Variants in FRMD4A observed in about 807,000 individuals in gnomAD.
The protein encoded by FRMD4A is FERM domain containing 4A.
Under a neutral mutation model 129.1 loss-of-function variants are expected in FRMD4A, and 29 were observed. The observed-to-expected ratio is 0.22, with a 90% CI of 0.17 to 0.31. The LOEUF is 0.31. FRMD4A is among the 10% of genes least tolerant of loss of function. The probability of loss-of-function intolerance (pLI) is 1.00; values close to 1 mark genes in which losing one functional copy is unlikely to be tolerated. For missense variants in FRMD4A, 1,272 were observed against 1,375.8 expected (o/e 0.92, Z 1.19); for synonymous variants, 634 against 571.6 (o/e 1.11, Z -1.56).
chr10:13,819,773 G>A (rs2093602369), intron 3 of FRMD4A, among the ~76,000 whole-genome samples: 1 of 150,648 alleles, frequency 6.6e-6, no homozygotes, highest in Non-Finnish European at 1.5e-5. Flanking sequence ...TCAGGCTGGA[G>A]TGCAGTGGCA....
At position 13,742,327 on chromosome 10, in the gene FRMD4A, C is replaced by T. The variant is rs1198928972; in HGVS notation, c.549-1750G>A. Among the ~76,000 whole-genome samples the T allele has an allele frequency of 3.3e-5, 5 of 152,186 alleles. No individual in the cohort carries two copies. In the East Asian group the frequency reaches 9.6e-4, roughly 29 times the overall value. ...GGAATCCCAGGGAAGCAGGTGCAGGCAGAAAGCCCCAACCCCACCTGCTGA... is the reference window on the plus strand; with the variant it reads ...GGAATCCCAGGGAAGCAGGTGCAGGTAGAAAGCCCCAACCCCACCTGCTGA... On this transcript the variant is annotated intron_variant, in intron 9 of 24. Coordinates refer to ENST00000357447, the MANE Select transcript of FRMD4A (RefSeq NM_018027.5).
chr10:14,310,329 T>C (rs532826256), intron 2 of FRMD4A, among the ~76,000 whole-genome samples: 3 of 152,300 alleles, frequency 2.0e-5, no homozygotes, highest in Admixed American at 6.5e-5. Flanking sequence ...CAACTAATGA[T>C]ACAGGAGCTA....
chr10:14,222,265 A>T (rs886068005), intron 2 of FRMD4A, among the ~76,000 whole-genome samples: 14 of 152,242 alleles, frequency 9.2e-5, no homozygotes, highest in Admixed American at 2.6e-4. Flanking sequence ...GGGCCGAATA[A>T]TTATCAACAA....
rs1428410454 is a variant in FRMD4A, at chr10:14,017,143, T to A, written c.46-158231A>T. Among the ~76,000 whole-genome samples, 3 of 152,222 alleles carry A rather than the reference T, an allele frequency of 2.0e-5. No individual in the cohort carries two copies. The East Asian group carries it at 5.8e-4, about 29-fold the overall frequency. ...TCTACATGGTAGTAATGGCTTATTG[T>A]GTGTGCTATTAGGAGTGATGTCATG... On this transcript the variant is annotated intron_variant, in intron 2 of 24. Transcript: ENST00000357447.
chr10:14,073,427 G>T (rs78773508), intron 2 of FRMD4A, among the ~76,000 whole-genome samples: 2 of 152,126 alleles, frequency 1.3e-5, no homozygotes, highest in South Asian at 2.1e-4. Flanking sequence ...GAGTTCCTAG[G>T]TGATTGACTT....
At chr10:14,257,489 A>T (rs1223933960) in intron 2 of FRMD4A, among the ~76,000 whole-genome samples, 5 of 152,202 alleles carry the variant, frequency 3.3e-5, no homozygotes, top group Non-Finnish European at 7.3e-5. Context: ...GTGTGCAAGT[A>T]ATTTTTGTAT....
At chr10:13,990,944 A>G (rs1024270869) in intron 2 of FRMD4A, among the ~76,000 whole-genome samples, 1 of 152,242 alleles carries the variant, frequency 6.6e-6, no homozygotes, top group Middle Eastern at 3.4e-3. Context: ...CAGCCAAGGT[A>G]TGGAGTGGGG....
chr10:14,278,805 G>A (rs1845424968), intron 2 of FRMD4A, among the ~76,000 whole-genome samples: 1 of 152,186 alleles, frequency 6.6e-6, no homozygotes, highest in Admixed American at 6.5e-5. Flanking sequence ...TCTGACAAAT[G>A]TTACAAGGAG....
At chr10:14,009,750 T>C (rs191230157) in intron 2 of FRMD4A, among the ~76,000 whole-genome samples, 5 of 152,248 alleles carry the variant, frequency 3.3e-5, no homozygotes, top group East Asian at 3.9e-4. Flanking sequence ...TATACAACAA[T>C]TGGGCTTTGT....
At chr10:13,832,855 G>C (rs2093812262) in intron 3 of FRMD4A, among the ~76,000 whole-genome samples, 1 of 152,108 alleles carries the variant, frequency 6.6e-6, no homozygotes, top group African/African-American at 2.4e-5. Context: ...GCCCAGACTG[G>C]TCTTGAACTC....
chr10:14,009,017 T>C (rs910705667), intron 2 of FRMD4A, among the ~76,000 whole-genome samples: 2 of 152,238 alleles, frequency 1.3e-5, no homozygotes, highest in African/African-American at 4.8e-5. Context: ...TATAGAACAT[T>C]TATTTTTACG....
At chr10:14,105,593 T>C (rs1283224989) in intron 2 of FRMD4A, among the ~76,000 whole-genome samples, 1 of 152,222 alleles carries the variant, frequency 6.6e-6, no homozygotes, top group Non-Finnish European at 1.5e-5. Context: ...ATGCCATTCT[T>C]ATACAATAAT....
intron 2 of FRMD4A, among the ~76,000 whole-genome samples, chr10:14,142,485 G>A (rs1839885820): frequency 6.6e-6 from 1 of 152,208 alleles, no homozygotes; most frequent in Non-Finnish European, 1.5e-5. Context: ...AGAAACAGAA[G>A]CACTGAGCTA....
At chr10:14,005,790 A>T (rs1187448936) in intron 2 of FRMD4A, among the ~76,000 whole-genome samples, 1 of 152,192 alleles carries the variant, frequency 6.6e-6, no homozygotes, top group Non-Finnish European at 1.5e-5. Flanking sequence ...AAAGAAGATT[A>T]AAACTCTCCA....
At chr10:13,941,191 T>C (rs781686765) in intron 2 of FRMD4A, among the ~76,000 whole-genome samples, 3 of 152,172 alleles carry the variant, frequency 2.0e-5, no homozygotes, top group Non-Finnish European at 4.4e-5. Context: ...GATAATGGAA[T>C]CATGGAGGCG....
rs544638034 is a variant in FRMD4A, at chr10:14,137,157, G to A, written c.45+192901C>T. Reference sequence around the variant, plus strand: ...TTCATAAGGCCTCGCCTCCACAGGAGTCTCCTCACTTCAGCTTTGCCTCCC... The same window carrying A: ...TTCATAAGGCCTCGCCTCCACAGGAATCTCCTCACTTCAGCTTTGCCTCCC... On this transcript the variant is annotated intron_variant, in intron 2 of 24. Coordinates refer to ENST00000357447, the MANE Select transcript of FRMD4A (RefSeq NM_018027.5). 2.0e-5 allele frequency among the ~76,000 whole-genome samples: 3 copies of A among 152,374 alleles called. No homozygotes were observed. The South Asian group carries it at 6.2e-4, about 32-fold the overall frequency.
chr10:13,778,080 C>A (rs2092642782), intron 6 of FRMD4A, among the ~76,000 whole-genome samples: 1 of 152,064 alleles, frequency 6.6e-6, no homozygotes, highest in African/African-American at 2.4e-5. Context: ...GGATTACAGG[C>A]GTGGGCCGGG....
intron 2 of FRMD4A, among the ~76,000 whole-genome samples, chr10:14,111,308 C>G (rs1026643147): frequency 7.2e-5 from 11 of 152,042 alleles, no homozygotes; most frequent in African/African-American, 2.4e-4. Context: ...ATTCTACCCT[C>G]GATTTATTTA....
chr10:14,116,408 GA>G (rs968067098), intron 2 of FRMD4A, among the ~76,000 whole-genome samples: 2 of 152,190 alleles, frequency 1.3e-5, no homozygotes, highest in Non-Finnish European at 2.9e-5. Flanking sequence ...TGGGTGGATT[GA>G]ACAGAAATAA....
Sources: gnomAD v4.1 joint callset for allele counts (sites outside exome capture counted in the v4.1 genomes callset) on GRCh38, gnomAD v4.1.1 for gene constraint, MANE v1.5 for transcripts, NCBI Gene and HGNC (gene_info 2026-07-23, HGNC 2026-07-21) for gene names.